ECE1: variants seen among roughly 807,000 people sequenced by gnomAD.
ECE1 encodes the protein endothelin converting enzyme 1.
A neutral mutation model predicts 98.6 loss-of-function variants in ECE1; 35 were observed. The observed-to-expected ratio is 0.35, with a 90% CI of 0.27 to 0.47. ECE1 has a LOEUF of 0.47. ECE1 is among the 20% of genes least tolerant of loss of function. The pLI is 1.00. For synonymous variants in ECE1, 394 were observed against 407.1 expected (o/e 0.97, Z 0.39); for missense variants, 814 against 1,025.3 (o/e 0.79, Z 2.81).
At chr1:21,339,011 G>A (rs962217702) in intron 1 of ECE1, among the ~76,000 whole-genome samples, 3 of 152,120 alleles carry the variant, frequency 2.0e-5, no homozygotes, top group Non-Finnish European at 4.4e-5. Flanking sequence ...AGAGGGCTAT[G>A]TGGTCAGAAA....
Position 21,345,266 on chromosome 1 carries a change from C to T in ECE1, c.3+110G>A. 2 of 1,195,904 alleles carry T rather than the reference C, an allele frequency of 1.7e-6. No individual in the cohort carries two copies. The highest frequency in any genetic ancestry group is 1.0e-6 in the Non-Finnish European group (1 of 966,566). 74.1% of individuals were successfully genotyped at this position (1,195,904 alleles called of 1,614,324 possible). A position where few individuals can be genotyped will look rare whatever the true frequency, so the allele number is the denominator to read the frequency against. ...GGGCGGGGGCTGCTGCTGCAGCCGG[C>T]GCCCAGCCCCCCGCGAGCCAGGGCG... On this transcript the variant is annotated intron_variant, in intron 1 of 18. Transcript: ENST00000415912. This position sits in a 1 kb window ranked among gnomAD's most constrained non-coding sequence, Gnocchi z 5.1.
intron 1 of ECE1, among the ~76,000 whole-genome samples, chr1:21,324,606 AG>A (rs1414352881): frequency 6.6e-6 from 1 of 152,116 alleles, no homozygotes; most frequent in African/African-American, 2.4e-5. Flanking sequence ...CCACATGAAG[AG>A]AAACATTTCA....
intron 2 of ECE1, among the ~76,000 whole-genome samples, chr1:21,285,184 C>T (rs3026856): frequency 0.016 from 2,506 of 152,210 alleles, 65 homozygotes; most frequent in African/African-American, 0.056. Context: ...AAATATGATC[C>T]GTTGTAGGGG....
intron 8 of ECE1, among the ~76,000 whole-genome samples, chr1:21,254,864 G>A (rs1056922770): frequency 6.6e-5 from 10 of 152,170 alleles, no homozygotes; most frequent in African/African-American, 1.4e-4. Flanking sequence ...GACCCTGATC[G>A]TGGGCCCTAG....
intron 10 of ECE1, among the ~76,000 whole-genome samples, chr1:21,241,753 G>A (rs780315165): frequency 3.3e-5 from 5 of 152,076 alleles, no homozygotes; most frequent in African/African-American, 4.8e-5. Context: ...CAGAAAGTCC[G>A]GCTCCAATGT....
chr1:21,301,827 GAAAAAAAAA>G (rs34861827), intron 1 of ECE1, among the ~76,000 whole-genome samples: 10 of 33,940 alleles, frequency 2.9e-4, no homozygotes, highest in East Asian at 2.0e-3. Context: ...CCCTGTCTCA[GAAAAAAAAA>G]AAAAAAAAAA....
At chr1:21,324,571 G>T (rs764725047) in intron 1 of ECE1, among the ~76,000 whole-genome samples, 1 of 152,198 alleles carries the variant, frequency 6.6e-6, no homozygotes, top group Non-Finnish European at 1.5e-5. Context: ...GACCAGGAGG[G>T]GCTCTCCCCA....
chr1:21,336,116 C>T (rs967686433), intron 1 of ECE1, among the ~76,000 whole-genome samples: 1 of 152,350 alleles, frequency 6.6e-6, no homozygotes. Flanking sequence ...GGCAGTGTCT[C>T]ATACCTGTAA....
intron 1 of ECE1, among the ~76,000 whole-genome samples, chr1:21,329,730 C>A (rs1639155889): frequency 1.3e-5 from 2 of 152,204 alleles, no homozygotes; most frequent in Non-Finnish European, 1.5e-5. Context: ...TCTGTGTACC[C>A]TTCTCAGCAC....
chr1:21,267,192 G>C (rs1275999295), intron 4 of ECE1: 3 of 152,352 alleles, frequency 2.0e-5, no homozygotes, highest in Non-Finnish European at 4.4e-5. Flanking sequence ...CCCGTGCCTT[G>C]ATCTTGGACT....
chr1:21,279,117 GC>G, intron 3 of ECE1, 73 bp downstream of exon 3: 2 of 1,612,194 alleles, frequency 1.2e-6, no homozygotes, highest in Non-Finnish European at 1.7e-6. Flanking sequence ...AAGCAGGGAA[GC>G]CCCCCTCGCC....
Position 21,235,886 on chromosome 1 carries a change from G to C in ECE1, c.1530C>G (p.Ile510Met). 6.2e-7 allele frequency: 1 copy of C among 1,614,218 alleles called. No homozygotes were observed. The highest frequency in any genetic ancestry group is 1.7e-5 in the Admixed American group (1 of 60,030). The change falls in exon 13 of 19, where the codon ATC becomes ATG. Residue 510 changes from isoleucine (I) to methionine (M), a missense_variant. Around this residue, in one of 3 missense-constraint regions of ECE1, gnomAD observed 452 missense variants for 567.3 expected, o/e 0.80. Coordinates refer to ENST00000374893, the MANE Select transcript of ECE1 (RefSeq NM_001397.3). The surrounding 1 kb of genome is among the most constrained non-coding windows in gnomAD (Gnocchi z 4.2). Reference protein sequence around the residue: ...IYNMIGYPNFIMDPKELDKVF... With the variant: ...IYNMIGYPNFMMDPKELDKVF... Reference sequence around the variant, plus strand: ...CTTTGTCCAGCTCCTTGGGATCCATGATGAAGTTGGGGTATCCTATCATGT... The same window carrying C: ...CTTTGTCCAGCTCCTTGGGATCCATCATGAAGTTGGGGTATCCTATCATGT...
At chr1:21,284,971 C>A (rs979363408) in intron 2 of ECE1, among the ~76,000 whole-genome samples, 10 of 152,146 alleles carry the variant, frequency 6.6e-5, no homozygotes, top group Middle Eastern at 3.2e-3. Context: ...GCCCAGCCTG[C>A]GAGGAACCCT....
chr1:21,280,414 C>T lies in ECE1; in HGVS notation c.139-1082G>A, dbSNP rs528011101. 5.3e-5 allele frequency among the ~76,000 whole-genome samples: 8 copies of T among 152,164 alleles called. No homozygotes were observed. The South Asian group carries it at 6.2e-4, about 12-fold the overall frequency. Reference sequence around the variant, plus strand: ...TTCAATCAGGGAGGGCTTCCTGGAACGGGTGATGTCTGGCCTGGGTCAGTC... The same window carrying T: ...TTCAATCAGGGAGGGCTTCCTGGAATGGGTGATGTCTGGCCTGGGTCAGTC... On this transcript the variant is annotated intron_variant, in intron 2 of 18. Transcript: ENST00000374893.
intron 14 of ECE1, among the ~76,000 whole-genome samples, chr1:21,230,120 G>A (rs2098179837): frequency 6.6e-6 from 1 of 152,094 alleles, no homozygotes; most frequent in African/African-American, 2.4e-5. Flanking sequence ...AGGATCACCT[G>A]AGCCTGGGAA....
At chr1:21,274,472 A>C (rs2098244161) in intron 3 of ECE1, among the ~76,000 whole-genome samples, 1 of 152,166 alleles carries the variant, frequency 6.6e-6, no homozygotes, top group Non-Finnish European at 1.5e-5. Context: ...TATCCATCTA[A>C]AAGTTAGGAA....
intron 4 of ECE1, 54 bp downstream of exon 4, chr1:21,272,645 A>G: frequency 6.2e-7 from 1 of 1,607,890 alleles, no homozygotes; most frequent in Non-Finnish European, 8.5e-7. Flanking sequence ...TGGCTGGGCC[A>G]GCTGACAGCT....
chr1:21,295,346 A>G (rs536573934), upstream of ECE1, among the ~76,000 whole-genome samples: 23 of 152,378 alleles, frequency 1.5e-4, no homozygotes, highest in African/African-American at 5.3e-4. Context: ...CCCTGTCTCA[A>G]AAAAACAAAA....
intron 1 of ECE1, among the ~76,000 whole-genome samples, chr1:21,343,593 T>C (rs932743402): frequency 6.6e-6 from 1 of 152,260 alleles, no homozygotes; most frequent in African/African-American, 2.4e-5. Context: ...TCTCACCCTT[T>C]GGAGGTAAGT....
Sources: allele counts gnomAD v4.1 joint callset (sites outside exome capture counted in the v4.1 genomes callset), GRCh38; gene constraint gnomAD v4.1.1; regional missense constraint gnomAD v4.1.1; non-coding constraint Gnocchi (gnomAD v3.1); transcripts MANE v1.5; gene names NCBI Gene and HGNC (gene_info 2026-07-23, HGNC 2026-07-21).